UGT1A3: variants seen among roughly 807,000 people sequenced by gnomAD.
The protein encoded by UGT1A3 is UDP glucuronosyltransferase family 1 member A3, also known as UDP-glucuronosyltransferase 1A3.
UGT1A3 carries 31 observed loss-of-function variants against 41.0 expected under a neutral mutation model. The observed-to-expected ratio is 0.76, with a 90% CI of 0.57 to 1.02. The LOEUF is 1.02. Among genes scored for constraint, UGT1A3 ranks in the 50% least tolerant of loss-of-function variants. The pLI, the probability that UGT1A3 is intolerant of heterozygous loss-of-function variation, is 0.00. For synonymous variants in UGT1A3, 262 were observed against 257.6 expected (o/e 1.02, Z -0.17); for missense variants, 737 against 671.0 (o/e 1.10, Z -1.09).
rs752420110 is a variant in UGT1A3, at chr2:233,767,943, T to C, written c.1087+7T>C. The C allele has an allele frequency of 3.2e-5, 51 of 1,614,076 alleles. No homozygotes were observed. The highest frequency in any genetic ancestry group is 1.6e-4 in the East Asian group (7 of 44,900). On this transcript the variant is annotated splice_region_variant and intron_variant, in intron 3 of 4. Transcript: ENST00000482026. ...CCCCAAAACGATCTGCTTGGTATGT[T>C]GGGCGGATTGGATGTATAGGTCAAA...
intron 3 of UGT1A3, 118 bp from the exon 4 acceptor site, chr2:233,768,102 A>T (rs1036317794): frequency 6.3e-7 from 1 of 1,593,190 alleles, no homozygotes; most frequent in African/African-American, 1.3e-5. Context: ...TCTTCTGCAA[A>T]TTTCTGCAAG....
intron 1 of UGT1A3, among the ~76,000 whole-genome samples, chr2:233,735,014 T>C (rs902605197): frequency 1.3e-5 from 2 of 152,232 alleles, no homozygotes; most frequent in Non-Finnish European, 2.9e-5. Context: ...GAGAGTTCTG[T>C]AGATGTCTAT....
At chr2:233,767,759 AG>A in intron 2 of UGT1A3, 89 bp from the exon 3 acceptor site, 5 of 1,604,854 alleles carry the variant, frequency 3.1e-6, no homozygotes, top group Non-Finnish European at 4.3e-6. Flanking sequence ...GTTCCTTCAG[AG>A]GACCCCTGTT....
rs771653845 is a variant in UGT1A3, at chr2:233,729,158, G to A, written c.32G>A (p.Trp11Ter). 2.2e-5 allele frequency: 35 copies of A among 1,613,348 alleles called. No homozygotes were observed. The highest frequency in any genetic ancestry group is 4.5e-5 in the East Asian group (2 of 44,900). The change falls in exon 1 of 5, where the codon TGG becomes TAG. Residue 11 changes from tryptophan to a stop codon, truncating the protein, a stop_gained. Coordinates refer to ENST00000482026, the MANE Select transcript of UGT1A3 (RefSeq NM_019093.4). LOFTEE classifies it high-confidence loss of function. The stretch of plus-strand genomic sequence containing the variant: ...ACAGGACTCCAGGTTCCCCTGCCGT[G>A]GCTGGCCACAGGACTGCTGCTTCTC... MATGLQVPLP[W>*]LATGLLLLLS... is the part of the protein sequence containing the mutation.
In UGT1A3 at chr2:233,731,114, G is replaced by T. The variant is rs184066438; in HGVS notation, c.867+1121G>T. ...TTCTGTGCCTTTTTTATAAATGTAG[G>T]TATTATTGCAAAAGACTCTAAGCTT... On this transcript the variant is annotated intron_variant, in intron 1 of 4. Transcript: ENST00000482026. Among the ~76,000 whole-genome samples, 112 of 151,994 alleles carry T rather than the reference G, an allele frequency of 7.4e-4. 1 individual carries two copies. Among genetic ancestry groups the T allele is most frequent in the African/African-American group, 2.6e-3 (107 of 41,462 alleles).
At chr2:233,731,691 A>C (rs2078192631) in intron 1 of UGT1A3, among the ~76,000 whole-genome samples, 1 of 152,178 alleles carries the variant, frequency 6.6e-6, no homozygotes, top group Non-Finnish European at 1.5e-5. Flanking sequence ...TCATTGATGG[A>C]CATTTGGATT....
chr2:233,741,972 T>G (rs888756569), intron 1 of UGT1A3: 7 of 151,906 alleles, frequency 4.6e-5, no homozygotes, highest in African/African-American at 1.7e-4. Context: ...GTGTTTATGG[T>G]GCCTCACCCA....
At chr2:233,757,562 G>A (rs1976390) in intron 1 of UGT1A3, among the ~76,000 whole-genome samples, 12,378 of 80,798 alleles carry the variant, frequency 0.15, 1,302 homozygotes, top group African/African-American at 0.2. Context: ...ATATATATAT[G>A]TATATATGAT....
At chr2:233,738,189 CCTCT>C (rs563579368) in intron 1 of UGT1A3, among the ~76,000 whole-genome samples, 82 of 152,188 alleles carry the variant, frequency 5.4e-4, no homozygotes, top group Non-Finnish European at 1.0e-3. Context: ...CGTGTCTTTG[CCTCT>C]CTCTCACTTT....
intron 1 of UGT1A3, among the ~76,000 whole-genome samples, chr2:233,757,896 C>T (rs1297679272): frequency 6.6e-6 from 1 of 152,080 alleles, no homozygotes; most frequent in Non-Finnish European, 1.5e-5. Flanking sequence ...GAAACACTTT[C>T]CATGGACGTG....
intron 1 of UGT1A3, chr2:233,743,397 A>G (rs1186431371): frequency 1.6e-6 from 2 of 1,281,698 alleles, no homozygotes; most frequent in Non-Finnish European, 2.1e-6. Context: ...TGCAGAAGGA[A>G]GAAAGGCCCC....
intron 1 of UGT1A3, 115 bp downstream of exon 1, chr2:233,730,108 C>T (rs1261016305): frequency 1.3e-6 from 2 of 1,570,456 alleles, no homozygotes; most frequent in Non-Finnish European, 1.7e-6. Flanking sequence ...TTCATTTCTG[C>T]TTCTCCTTGT....
chr2:233,765,641 G>A (rs914163891), intron 1 of UGT1A3, among the ~76,000 whole-genome samples: 1 of 151,492 alleles, frequency 6.6e-6, no homozygotes, highest in African/African-American at 2.4e-5. Flanking sequence ...TTAGAGGATA[G>A]GTCAATAGGT....
rs528932470 is a variant in UGT1A3, at chr2:233,768,499, A to C, written c.1307+60A>C. ...TGGCATTCATGATAAAATTGTTTCA[A>C]ATATGAAAACATTTACGTAGCATTT... On this transcript the variant is annotated intron_variant, in intron 4 of 4. Coordinates refer to ENST00000482026, the MANE Select transcript of UGT1A3 (RefSeq NM_019093.4). 123 of 1,570,454 alleles carry C rather than the reference A, an allele frequency of 7.8e-5. No individual in the cohort carries two copies. The East Asian group carries it at 1.6e-3, about 20-fold the overall frequency.
rs537688236 is a variant in UGT1A3, at chr2:233,769,340, T to A, written c.1307+901T>A. On this transcript the variant is annotated intron_variant, in intron 4 of 4. Coordinates refer to ENST00000482026, the MANE Select transcript of UGT1A3 (RefSeq NM_019093.4). This position sits in a 1 kb window ranked among gnomAD's most constrained non-coding sequence, Gnocchi z 4.4. ...CACTGGTAATAGGCTTATTAGAACC[T>A]TATGGGAAGAAGTGGTGGCCAGTGG... Among the ~76,000 whole-genome samples the A allele has an allele frequency of 9.2e-5, 14 of 152,346 alleles. No individual in the cohort carries two copies. The highest frequency in any genetic ancestry group is 3.4e-4 in the African/African-American group (14 of 41,584).
Position 233,729,141 on chromosome 2 carries a change from C to T in UGT1A3, c.15C>T (p.Leu5=), listed in dbSNP as rs751723491. 1 of 1,613,272 alleles carries T rather than the reference C, an allele frequency of 6.2e-7. No individual in the cohort carries two copies. Among genetic ancestry groups the T allele is most frequent in the Admixed American group, 1.7e-5 (1 of 60,002 alleles). ...CTTCTGCTGAGATGGCCACAGGACT[C>T]CAGGTTCCCCTGCCGTGGCTGGCCA... MATG[L]QVPLPWLATG... The change falls in exon 1 of 5, where the codon CTC becomes CTT. Residue 5 remains leucine (L), a synonymous_variant. Coordinates refer to ENST00000482026, the MANE Select transcript of UGT1A3 (RefSeq NM_019093.4).
chr2:233,745,619 A>G (rs976825900), intron 1 of UGT1A3, among the ~76,000 whole-genome samples: 4 of 151,618 alleles, frequency 2.6e-5, no homozygotes, highest in Non-Finnish European at 5.9e-5. Context: ...CACACAATGA[A>G]CAGTCATAGA....
chr2:233,752,890 C>T lies in UGT1A3; in HGVS notation c.868-14144C>T, dbSNP rs537828663. Among the ~76,000 whole-genome samples, 6 of 152,322 alleles carry T rather than the reference C, an allele frequency of 3.9e-5. No homozygotes were observed. In the East Asian group the frequency reaches 1.2e-3, roughly 29 times the overall value. On this transcript the variant is annotated intron_variant, in intron 1 of 4. Coordinates refer to ENST00000482026, the MANE Select transcript of UGT1A3 (RefSeq NM_019093.4). Reference sequence around the variant, plus strand: ...GCTTTCAACTGTTAAAACTAGCCAGCGTTGTTACAGATCCACCTCTGAGTG... The same window carrying T: ...GCTTTCAACTGTTAAAACTAGCCAGTGTTGTTACAGATCCACCTCTGAGTG...
chr2:233,731,462 C>T (rs1354411631), intron 1 of UGT1A3, among the ~76,000 whole-genome samples: 13 of 152,008 alleles, frequency 8.6e-5, no homozygotes, highest in African/African-American at 2.4e-4. Context: ...CAGGCCCTGG[C>T]GTGTGATGTT....
Sources: allele counts gnomAD v4.1 joint callset (sites outside exome capture counted in the v4.1 genomes callset), GRCh38; gene constraint gnomAD v4.1.1; non-coding constraint Gnocchi (gnomAD v3.1); transcripts MANE v1.5; gene names NCBI Gene and HGNC (gene_info 2026-07-23, HGNC 2026-07-21).